RNF19A: variants seen among roughly 807,000 people sequenced by gnomAD.
The protein encoded by RNF19A is E3 ubiquitin-protein ligase RNF19A.
Under a neutral mutation model 75.7 loss-of-function variants are expected in RNF19A, and 32 were observed. The ratio of observed to expected loss-of-function variants is 0.42; its 90% CI spans 0.32 to 0.57. The LOEUF (loss-of-function observed/expected upper bound fraction) is 0.57, where lower values mean the gene tolerates loss of function less well. RNF19A is among the 20% of genes least tolerant of loss of function. RNF19A has a pLI of 0.10. For missense variants in RNF19A, 782 were observed against 1,036.3 expected (o/e 0.75, Z 3.37); for synonymous variants, 335 against 345.2 (o/e 0.97, Z 0.33).
rs1214708079 is a variant in RNF19A, at chr8:100,317,055, C to T, written c.-242-3683G>A. ...CATTGCCCGGGACCAGCAGCGCTGCCCGGCTACTCTGAGTGCGGGGCCTGC... is the reference window on the plus strand; with the variant it reads ...CATTGCCCGGGACCAGCAGCGCTGCTCGGCTACTCTGAGTGCGGGGCCTGC... On this transcript the variant is annotated intron_variant, in intron 1 of 3. Transcript: ENST00000519527. The surrounding 1 kb of genome is among the most constrained non-coding windows in gnomAD (Gnocchi z 4.3). Among the ~76,000 whole-genome samples the T allele has an allele frequency of 2.6e-5, 4 of 151,808 alleles. No individual in the cohort carries two copies. The highest frequency in any genetic ancestry group is 5.9e-5 in the Non-Finnish European group (4 of 67,892).
chr8:100,260,964 C>G lies in RNF19A; in HGVS notation c.1682+578G>C, dbSNP rs1184558443. Among the ~76,000 whole-genome samples the G allele has an allele frequency of 3.3e-5, 5 of 152,200 alleles. No individual in the cohort carries two copies. On this transcript the variant is annotated intron_variant, in intron 8 of 9. Coordinates refer to ENST00000341084, the MANE Select transcript of RNF19A (RefSeq NM_183419.4). This position sits in a 1 kb window ranked among gnomAD's most constrained non-coding sequence, Gnocchi z 4.1. ...CTGTTGTTACCCACAGAGGTAAGAT[C>G]TAGGCTTAAGTACTGCCTTTGCTTC...
chr8:100,287,442 A>G lies in RNF19A; in HGVS notation c.674+59T>C, dbSNP rs978116976. 7.9e-6 allele frequency: 12 copies of G among 1,514,906 alleles called. No homozygotes were observed. The South Asian group carries it at 1.6e-4, about 20-fold the overall frequency. 93.8% of individuals were successfully genotyped at this position (1,514,906 alleles called of 1,614,324 possible). On this transcript the variant is annotated intron_variant, in intron 2 of 9. Coordinates refer to ENST00000341084, the MANE Select transcript of RNF19A (RefSeq NM_183419.4). The surrounding 1 kb of genome is among the most constrained non-coding windows in gnomAD (Gnocchi z 4.1). ...AAATTTTTCTTTTGAGTAATAGCAAATTATTTTATCCACAGAGAAAAAAAT... is the reference window on the plus strand; with the variant it reads ...AAATTTTTCTTTTGAGTAATAGCAAGTTATTTTATCCACAGAGAAAAAAAT...
At chr8:100,309,352 G>A in intron 1 of RNF19A, 1 of 985,802 alleles carries the variant, frequency 1.0e-6, no homozygotes, top group Non-Finnish European at 1.2e-6. Context: ...GGCTTGCGGG[G>A]CGATGTCCCG....
intron 3 of RNF19A, among the ~76,000 whole-genome samples, chr8:100,273,669 G>A (rs1345577982): frequency 6.6e-6 from 1 of 152,158 alleles, no homozygotes; most frequent in Non-Finnish European, 1.5e-5. Flanking sequence ...TCTAGAAAGT[G>A]ACTGTGGTTT....
rs201253948 is a variant in RNF19A at position 100,323,104 on chromosome 8, C to CA, written c.-242-9733dup. ...CAAACCTTCCATTTGTAAACAAAAA[C>CA]AAAAAAACAAAAAAAACTGTGAAGT... On this transcript the variant is annotated intron_variant, in intron 1 of 3. Transcript: ENST00000519527. This position sits in a 1 kb window ranked among gnomAD's most constrained non-coding sequence, Gnocchi z 4.6. 5.4e-3 allele frequency among the ~76,000 whole-genome samples: 816 copies of CA among 151,058 alleles called. 9 individuals are homozygous for CA. Among genetic ancestry groups the CA allele is most frequent in the African/African-American group, 0.019 (768 of 41,146 alleles).
intron 1 of RNF19A, among the ~76,000 whole-genome samples, chr8:100,326,021 T>C (rs1378208574): frequency 6.6e-6 from 1 of 152,206 alleles, no homozygotes; most frequent in African/African-American, 2.4e-5. Flanking sequence ...ATATGCTATC[T>C]GCTATCCGGG....
rs183882105 is a variant in RNF19A at position 100,323,188 on chromosome 8, A to G, written c.-242-9816T>C. On this transcript the variant is annotated intron_variant, in intron 1 of 3. Transcript: ENST00000519527. This position sits in a 1 kb window ranked among gnomAD's most constrained non-coding sequence, Gnocchi z 4.6. ...CCCATAAATATTAGCTGTTACCCAGAGTGTTATTTTAAGATGATGGGATAT... is the reference window on the plus strand; with the variant it reads ...CCCATAAATATTAGCTGTTACCCAGGGTGTTATTTTAAGATGATGGGATAT... Among the ~76,000 whole-genome samples, 64 of 152,364 alleles carry G rather than the reference A, an allele frequency of 4.2e-4. No individual in the cohort carries two copies. In the East Asian group the frequency reaches 0.01, roughly 24 times the overall value.
At position 100,317,130 on chromosome 8, in the gene RNF19A, G is replaced by T. The variant is rs530183628; in HGVS notation, c.-242-3758C>A. On this transcript the variant is annotated intron_variant, in intron 1 of 3. Coordinates refer to the RNF19A transcript ENST00000519527. This position sits in a 1 kb window ranked among gnomAD's most constrained non-coding sequence, Gnocchi z 4.3. ...GAACTCCAGCTGGCCCGCAAGCGCC[G>T]CACGCAGCCCAGCCCGGGTTCCCGC... is the stretch of plus-strand genomic sequence containing the variant. Among the ~76,000 whole-genome samples the T allele has an allele frequency of 1.3e-5, 2 of 152,242 alleles. No homozygotes were observed. Among genetic ancestry groups the T allele is most frequent in the African/African-American group, 4.8e-5 (2 of 41,464 alleles).
In RNF19A at chr8:100,264,215, G is replaced by T. The variant is rs1420405901; in HGVS notation, c.1307-20C>A. On this transcript the variant is annotated intron_variant, in intron 6 of 9. Coordinates refer to ENST00000341084, the MANE Select transcript of RNF19A (RefSeq NM_183419.4). The surrounding 1 kb of genome is among the most constrained non-coding windows in gnomAD (Gnocchi z 4.7). ...CGATACCTAAAGAGAAATTAAATCA[G>T]TCATTACAAACAACAACAACAAAAT... is the stretch of plus-strand genomic sequence containing the variant. The T allele has an allele frequency of 2.7e-5, 43 of 1,583,362 alleles. No individual in the cohort carries two copies. The highest frequency in any genetic ancestry group is 3.7e-5 in the Non-Finnish European group (43 of 1,160,770).
chr8:100,324,860 TTCTC>T lies in RNF19A; in HGVS notation c.-243+11244_-243+11247del, dbSNP rs559019318. Among the ~76,000 whole-genome samples, 2 of 149,174 alleles carry T rather than the reference TTCTC, an allele frequency of 1.3e-5. No individual in the cohort carries two copies. The highest frequency in any genetic ancestry group is 2.0e-4 in the East Asian group (1 of 5,072). On this transcript the variant is annotated intron_variant, in intron 1 of 3. Coordinates refer to the RNF19A transcript ENST00000519527. This position sits in a 1 kb window ranked among gnomAD's most constrained non-coding sequence, Gnocchi z 4.2. ...CTTCCTCCCTCCCTCCCTCCTTCCT[TTCTC>T]TCTTTCTCTTTTTTTTCTTTCTTTC... is the stretch of plus-strand genomic sequence containing the variant.
intron 1 of RNF19A, among the ~76,000 whole-genome samples, chr8:100,294,677 T>C (rs983798388): frequency 6.6e-6 from 1 of 152,120 alleles, no homozygotes; most frequent in Non-Finnish European, 1.5e-5. Flanking sequence ...GGGAAAGATG[T>C]ATAAATTTTT....
intron 1 of RNF19A, among the ~76,000 whole-genome samples, chr8:100,307,634 C>A (rs755449283): frequency 3.1e-4 from 47 of 151,792 alleles, no homozygotes; most frequent in Non-Finnish European, 5.9e-5. Flanking sequence ...AAAAAGTTTG[C>A]TTTTAATTAC....
chr8:100,309,251 T>C (rs955916601), intron 1 of RNF19A: 3 of 883,038 alleles, frequency 3.4e-6, no homozygotes, highest in African/African-American at 3.6e-5. Flanking sequence ...TTTGGTGTGA[T>C]GTGTAATTTT....
At chr8:100,272,567 T>C (rs2129655660) in intron 3 of RNF19A, among the ~76,000 whole-genome samples, 1 of 152,040 alleles carries the variant, frequency 6.6e-6, no homozygotes, top group South Asian at 2.1e-4. Flanking sequence ...TAATAGGGTC[T>C]TGTTCTGTCG....
chr8:100,288,010 T>G lies in RNF19A; in HGVS notation c.165A>C (p.Ser55=). ...TTCTTTTTTTGGGTGCCTTTTTGACTGAAGGCAAGCTCACAGATGAAGCAG... is the reference window on the plus strand; with the variant it reads ...TTCTTTTTTTGGGTGCCTTTTTGACGGAAGGCAAGCTCACAGATGAAGCAG... ...QSSASSVSLP[S]VKKAPKKRRI... is the part of the protein sequence containing the mutation. Residue 55 remains serine, a synonymous_variant, in exon 2 of 10, where the codon TCA becomes TCC. Coordinates refer to ENST00000341084, the MANE Select transcript of RNF19A (RefSeq NM_183419.4). 6.2e-7 allele frequency: 1 copy of G among 1,614,222 alleles called. No individual in the cohort carries two copies. Among genetic ancestry groups the G allele is most frequent in the East Asian group, 2.2e-5 (1 of 44,884 alleles).
rs746133687 is a variant in RNF19A at position 100,261,514 on chromosome 8, C to G, written c.1682+28G>C. 1.9e-6 allele frequency: 3 copies of G among 1,587,684 alleles called. No individual in the cohort carries two copies. In the South Asian group the frequency reaches 3.3e-5, roughly 18 times the overall value. ...TTAATAATTTGTAGTTACCAGAAAG[C>G]AGAACCAAACCAAACCAAAACACAC... On this transcript the variant is annotated intron_variant, in intron 8 of 9. Transcript: ENST00000341084. This position sits in a 1 kb window ranked among gnomAD's most constrained non-coding sequence, Gnocchi z 4.4.
upstream of RNF19A, among the ~76,000 whole-genome samples, chr8:100,311,071 A>C (rs546358643): frequency 5.0e-4 from 76 of 152,338 alleles, no homozygotes; most frequent in Middle Eastern, 0.01. Context: ...TACTTAACTA[A>C]ATATATCACT....
rs776311031 is a variant in RNF19A, at chr8:100,275,169, G to T, written c.675-8C>A. ...AATGCTATCACAGCATATCTTGAAA[G>T]AACAAGAAAAATGATTTAAAATGTG... On this transcript the variant is annotated splice_region_variant and splice_polypyrimidine_tract_variant and intron_variant, in intron 2 of 9. Coordinates refer to ENST00000341084, the MANE Select transcript of RNF19A (RefSeq NM_183419.4). The surrounding 1 kb of genome is among the most constrained non-coding windows in gnomAD (Gnocchi z 4.3). 2 of 1,610,562 alleles carry T rather than the reference G, an allele frequency of 1.2e-6. No individual in the cohort carries two copies.
rs1820185759 is a variant in RNF19A, at chr8:100,270,162, A to G, written c.884-149T>C. The G allele has an allele frequency of 9.7e-6, 5 of 516,546 alleles. No individual in the cohort carries two copies. In the Admixed American group the frequency reaches 1.2e-4, roughly 13 times the overall value. The allele number at this position is 516,546 out of a possible 1,614,324, so 32.0% of individuals were successfully genotyped here. A position where few individuals can be genotyped will look rare whatever the true frequency, so the allele number is the denominator to read the frequency against. On this transcript the variant is annotated intron_variant, in intron 3 of 9. Coordinates refer to ENST00000341084, the MANE Select transcript of RNF19A (RefSeq NM_183419.4). ...GCCTGCTGTTTTTAGTATATAAAGC[A>G]TTTTTTCTTCCCTTCTAAGAAAACA...
Sources: allele counts gnomAD v4.1 joint callset (sites outside exome capture counted in the v4.1 genomes callset), GRCh38; gene constraint gnomAD v4.1.1; non-coding constraint Gnocchi (gnomAD v3.1); transcripts MANE v1.5; gene names NCBI Gene and HGNC (gene_info 2026-07-23, HGNC 2026-07-21).